Variants in EDC4 observed in about 807,000 individuals in gnomAD.
EDC4 encodes enhancer of mRNA decapping 4.
Under a neutral mutation model 155.8 loss-of-function variants are expected in EDC4, and 64 were observed. That is an observed-to-expected ratio of 0.41 (90% CI 0.34 to 0.51). The LOEUF (loss-of-function observed/expected upper bound fraction) is 0.51. EDC4 is among the 20% of genes least tolerant of loss of function. The pLI is 0.19. For synonymous variants in EDC4, 684 were observed against 716.8 expected, an observed-to-expected ratio of 0.95 and a Z score of 0.73; for missense variants, 1,303 against 1,812.5, an observed-to-expected ratio of 0.72 and a Z score of 5.10.
In EDC4 at chr16:67,873,142, G is replaced by A; in HGVS notation, c.-120G>A. On this transcript the variant is annotated 5_prime_UTR_variant, in exon 1 of 29. Coordinates refer to ENST00000358933, the MANE Select transcript of EDC4 (RefSeq NM_014329.5). ...CGCGGGTGGCGGTTTGCGAACTGCGGGTGGACTGTGTAGTGACCGGCGTCC... is the reference window on the plus strand; with the variant it reads ...CGCGGGTGGCGGTTTGCGAACTGCGAGTGGACTGTGTAGTGACCGGCGTCC... 6.9e-6 allele frequency: 5 copies of A among 720,046 alleles called. No individual in the cohort carries two copies. Among genetic ancestry groups the A allele is most frequent in the Non-Finnish European group, 1.0e-5 (5 of 494,656 alleles). 44.6% of individuals were successfully genotyped at this position (720,046 alleles called of 1,614,324 possible).
chr16:67,880,010 G>A lies in EDC4; in HGVS notation c.1943+39G>A. On this transcript the variant is annotated intron_variant, in intron 16 of 28. Transcript: ENST00000358933. This position sits in a 1 kb window ranked among gnomAD's most constrained non-coding sequence, Gnocchi z 5.2. The stretch of plus-strand genomic sequence containing the variant: ...CAGAGATGGAGGATGGCAGGGGCTG[G>A]TACCAGATGATGCCAAGCTCTGGCT... 3 of 1,590,532 alleles carry A rather than the reference G, an allele frequency of 1.9e-6. No homozygotes were observed. The East Asian group carries it at 6.7e-5, about 36-fold the overall frequency.
rs760960566 is a variant in EDC4, at chr16:67,880,780, C to T, written c.2321C>T (p.Ser774Leu). 6 of 1,614,066 alleles carry T rather than the reference C, an allele frequency of 3.7e-6. No homozygotes were observed. Among genetic ancestry groups the T allele is most frequent in the Admixed American group, 1.7e-5 (1 of 60,030 alleles). The change falls in exon 18 of 29, where the codon TCG (serine) becomes TTG (leucine). Residue 774 changes from serine to leucine, a missense_variant. Ser to Leu is a moderately radical substitution (Grantham distance 145, BLOSUM62 -2). Coordinates refer to ENST00000358933, the MANE Select transcript of EDC4 (RefSeq NM_014329.5). This position sits in a 1 kb window ranked among gnomAD's most constrained non-coding sequence, Gnocchi z 5.2. ...LEPDSMASAA[S>L]ALHLLSPRPR... ...CCAGACAGTATGGCTTCAGCCGCCT[C>T]GGCACTGCACCTGCTGTCCCCACGG...
chr16:67,873,265 GCCT>G lies in EDC4; in HGVS notation c.8_10del (p.Ser3del), dbSNP rs760903639. 6.8e-7 allele frequency: 1 copy of G among 1,462,774 alleles called. No homozygotes were observed. The highest frequency in any genetic ancestry group is 9.0e-7 in the Non-Finnish European group (1 of 1,111,996). 90.6% of individuals were successfully genotyped at this position (1,462,774 alleles called of 1,614,324 possible). On this transcript the variant is annotated inframe_deletion, in exon 1 of 29. Transcript: ENST00000358933. ...CGGGGCGCCCGCCGCAGGGCCCATG[GCCT>G]CCTGCGCGAGCATCGACATCGAGGA... is the stretch of plus-strand genomic sequence containing the variant.
At position 67,877,672 on chromosome 16, in the gene EDC4, T is replaced by C. The variant is rs1430802833; in HGVS notation, c.789+16T>C. On this transcript the variant is annotated intron_variant, in intron 6 of 28. Coordinates refer to ENST00000358933, the MANE Select transcript of EDC4 (RefSeq NM_014329.5). This position sits in a 1 kb window ranked among gnomAD's most constrained non-coding sequence, Gnocchi z 4.9. ...TGAAGACCGGGTGAGGGGGCTGACA[T>C]GGCGAAGAGGCGCCAGAGAAGCCAT... 9 of 1,613,904 alleles carry C rather than the reference T, an allele frequency of 5.6e-6. No homozygotes were observed. The highest frequency in any genetic ancestry group is 7.6e-6 in the Non-Finnish European group (9 of 1,180,000).
rs367900519 is a variant in EDC4, at chr16:67,883,569, C to T, written c.3851C>T (p.Ala1284Val). Residue 1284 changes from alanine (A) to valine (V), a missense_variant and splice_region_variant, in exon 28 of 29, where the codon GCG becomes GTG. Physicochemically the swap from Ala to Val is moderately conservative, Grantham distance 64 (BLOSUM62 0). Around this residue, in one of 5 missense-constraint regions of EDC4, gnomAD observed 527 missense variants for 757.0 expected, o/e 0.70. Coordinates refer to ENST00000358933, the MANE Select transcript of EDC4 (RefSeq NM_014329.5). The surrounding 1 kb of genome is among the most constrained non-coding windows in gnomAD (Gnocchi z 5.3). ...CACTGCTGCTTTTTTCTCCTCCAGG[C>T]GCTGACAGCTGCTGACCTGAACCTG... is the stretch of plus-strand genomic sequence containing the variant. The part of the protein sequence containing the change: ...QGHLNQAFQQ[A>V]LTAADLNLVL... 4.4e-5 allele frequency: 71 copies of T among 1,613,330 alleles called. No homozygotes were observed. The highest frequency in any genetic ancestry group is 2.0e-4 in the African/African-American group (15 of 74,934).
In EDC4 at chr16:67,881,068, C is replaced by T. The variant is rs781766579; in HGVS notation, c.2532-8C>T. The T allele has an allele frequency of 4.3e-6, 7 of 1,613,956 alleles. No homozygotes were observed. The African/African-American group carries it at 6.7e-5, about 15-fold the overall frequency. On this transcript the variant is annotated splice_region_variant and splice_polypyrimidine_tract_variant and intron_variant, in intron 18 of 28. Transcript: ENST00000358933. The surrounding 1 kb of genome is among the most constrained non-coding windows in gnomAD (Gnocchi z 5.4). The stretch of plus-strand genomic sequence containing the variant: ...TTCATCCATGGCTAAGTTGGCCTGT[C>T]CTCCCAGCCCCAGGAATGGCCTTCA...
chr16:67,883,539 A>G lies in EDC4; in HGVS notation c.3850-29A>G, dbSNP rs1383686099. On this transcript the variant is annotated intron_variant, in intron 27 of 28. Transcript: ENST00000358933. This position sits in a 1 kb window ranked among gnomAD's most constrained non-coding sequence, Gnocchi z 5.3. ...CAGACATTCCATCCTGATATTTGCT[A>G]TAAACACTGCTGCTTTTTTCTCCTC... 1.2e-6 allele frequency: 2 copies of G among 1,610,054 alleles called. No homozygotes were observed. The highest frequency in any genetic ancestry group is 1.7e-6 in the Non-Finnish European group (2 of 1,179,622).
rs1424452680 is a variant in EDC4, at chr16:67,878,675, G to A, written c.1184+44G>A. The stretch of plus-strand genomic sequence containing the variant: ...GCTGGGGGACTGGGCAGGGGCGGCA[G>A]GGTTGGGAATGTAGCTTCCTTCAGT... On this transcript the variant is annotated intron_variant, in intron 10 of 28. Transcript: ENST00000358933. The surrounding 1 kb of genome is among the most constrained non-coding windows in gnomAD (Gnocchi z 5.2). 1.2e-6 allele frequency: 2 copies of A among 1,614,192 alleles called. No homozygotes were observed. The highest frequency in any genetic ancestry group is 1.7e-6 in the Non-Finnish European group (2 of 1,180,028).
rs145793537 is a variant in EDC4 at position 67,882,758 on chromosome 16, G to T, written c.3522G>T (p.Leu1174=). 4 of 1,614,150 alleles carry T rather than the reference G, an allele frequency of 2.5e-6. No homozygotes were observed. In the African/African-American group the frequency reaches 5.3e-5, roughly 22 times the overall value. ...CCAGGGAGCCTGTGCTAGCCCAGCTGCGGGGCCTGGTCAGCACACTGCAGA... is the reference window on the plus strand; with the variant it reads ...CCAGGGAGCCTGTGCTAGCCCAGCTTCGGGGCCTGGTCAGCACACTGCAGA... ...QEAREPVLAQ[L]RGLVSTLQSA... Residue 1174 remains leucine, a synonymous_variant, in exon 26 of 29, where the codon CTG becomes CTT. Transcript: ENST00000358933. This position sits in a 1 kb window ranked among gnomAD's most constrained non-coding sequence, Gnocchi z 7.2.
Position 67,880,143 on chromosome 16 carries a change from C to T in EDC4, c.2024C>T (p.Ala675Val). The T allele has an allele frequency of 6.2e-7, 1 of 1,613,016 alleles. No homozygotes were observed. Among genetic ancestry groups the T allele is most frequent in the South Asian group, 1.1e-5 (1 of 91,014 alleles). Residue 675 changes from alanine to valine, a missense_variant, in exon 17 of 29, where the codon GCA (alanine) becomes GTA (valine). Coordinates refer to ENST00000358933, the MANE Select transcript of EDC4 (RefSeq NM_014329.5). This position sits in a 1 kb window ranked among gnomAD's most constrained non-coding sequence, Gnocchi z 5.2. ...ATGAGCAGCAGTGGCAGCCTTCAGGCAAGCCCGCGTGGCCTCCTGCCTGGC... is the reference window on the plus strand; with the variant it reads ...ATGAGCAGCAGTGGCAGCCTTCAGGTAAGCCCGCGTGGCCTCCTGCCTGGC... ...LTMSSSGSLQ[A>V]SPRGLLPGLL...
rs1489035107 is a variant in EDC4, at chr16:67,879,891, CAGCAGCAGCAGT to C, written c.1873_1884del (p.Ser626_Ser629del). ...GCAGCAGCAGCAGCGGTAGCAGCAG[CAGCAGCAGCAGT>C]AGCAGCAGCTCCCTTACAGCTGTGT... is the stretch of plus-strand genomic sequence containing the variant. On this transcript the variant is annotated inframe_deletion, in exon 16 of 29. Coordinates refer to ENST00000358933, the MANE Select transcript of EDC4 (RefSeq NM_014329.5). This position sits in a 1 kb window ranked among gnomAD's most constrained non-coding sequence, Gnocchi z 6.0. The C allele has an allele frequency of 5.0e-6, 8 of 1,612,660 alleles. No homozygotes were observed. Among genetic ancestry groups the C allele is most frequent in the Admixed American group, 3.3e-5 (2 of 59,954 alleles).
At position 67,878,135 on chromosome 16, in the gene EDC4, T is replaced by C. The variant is rs1335762802; in HGVS notation, c.895-31T>C. 1.2e-6 allele frequency: 2 copies of C among 1,613,850 alleles called. No individual in the cohort carries two copies. Among genetic ancestry groups the C allele is most frequent in the African/African-American group, 2.7e-5 (2 of 75,038 alleles). ...CTTGGGAGGGGCTTGTTCTCACCTC[T>C]AGTCAGCAAAGCTTTTTGGGTTCTT... On this transcript the variant is annotated intron_variant, in intron 7 of 28. Transcript: ENST00000358933. The surrounding 1 kb of genome is among the most constrained non-coding windows in gnomAD (Gnocchi z 5.2).
chr16:67,882,419 C>T lies in EDC4; in HGVS notation c.3277-10C>T. On this transcript the variant is annotated splice_polypyrimidine_tract_variant and intron_variant, in intron 24 of 28. Coordinates refer to ENST00000358933, the MANE Select transcript of EDC4 (RefSeq NM_014329.5). This position sits in a 1 kb window ranked among gnomAD's most constrained non-coding sequence, Gnocchi z 7.2. ...CAGGCTTTCAACTTGGCCCCTCCCT[C>T]TAACCCCAGAACTTGACTGATGCCA... 1 of 1,613,030 alleles carries T rather than the reference C, an allele frequency of 6.2e-7. No homozygotes were observed. Among genetic ancestry groups the T allele is most frequent in the South Asian group, 1.1e-5 (1 of 91,050 alleles).
rs1334705970 is a variant in EDC4 at position 67,882,959 on chromosome 16, C to T, written c.3631C>T (p.Leu1211=). ...CACCTCACTCACTTCCCTTTGCAGC[C>T]TGCAGGAGTCCATTTTAGCACAGGT... ...QHQLHVAVGS[L]QESILAQVQR... The change falls in exon 27 of 29, where the codon CTG becomes TTG. Residue 1211 remains leucine, a splice_region_variant and synonymous_variant. Transcript: ENST00000358933. The surrounding 1 kb of genome is among the most constrained non-coding windows in gnomAD (Gnocchi z 7.2). 1 of 1,613,904 alleles carries T rather than the reference C, an allele frequency of 6.2e-7. No homozygotes were observed. Among genetic ancestry groups the T allele is most frequent in the Non-Finnish European group, 8.5e-7 (1 of 1,179,784 alleles).
chr16:67,883,182 G>A lies in EDC4; in HGVS notation c.3849+5G>A, dbSNP rs375107319. Reference sequence around the variant, plus strand: ...CTCAATCAGGCCTTCCAGCAGGTACGATAGGCATTAGGCCCTGCTAAGGGT... The same window carrying A: ...CTCAATCAGGCCTTCCAGCAGGTACAATAGGCATTAGGCCCTGCTAAGGGT... On this transcript the variant is annotated splice_donor_5th_base_variant and intron_variant, in intron 27 of 28. Transcript: ENST00000358933. This position sits in a 1 kb window ranked among gnomAD's most constrained non-coding sequence, Gnocchi z 5.3. The A allele has an allele frequency of 4.9e-5, 77 of 1,565,362 alleles. No individual in the cohort carries two copies. The African/African-American group carries it at 6.6e-4, about 13-fold the overall frequency.
chr16:67,881,730 G>A lies in EDC4; in HGVS notation c.2889G>A (p.Glu963=), dbSNP rs990345988. The A allele has an allele frequency of 1.9e-6, 3 of 1,614,116 alleles. No homozygotes were observed. The change falls in exon 22 of 29, where the codon GAG becomes GAA. Residue 963 remains glutamate, a synonymous_variant. Coordinates refer to ENST00000358933, the MANE Select transcript of EDC4 (RefSeq NM_014329.5). This position sits in a 1 kb window ranked among gnomAD's most constrained non-coding sequence, Gnocchi z 5.4. ...GGCAACAGCAGAGAGAGCTGGCAGA[G>A]CTGCGGCACAGCCAGGAAGAGCTGC... ...LIWQQQRELA[E]LRHSQEELLQ...
At position 67,881,680 on chromosome 16, in the gene EDC4, C is replaced by T. The variant is rs1261013583; in HGVS notation, c.2839C>T (p.Pro947Ser). 8 of 1,613,350 alleles carry T rather than the reference C, an allele frequency of 5.0e-6. No individual in the cohort carries two copies. The Admixed American group carries it at 1.3e-4, about 27-fold the overall frequency. Reference sequence around the variant, plus strand: ...GTGCTACTGACAGGTGGCAGAGCCCCCTGAGGACTGGCCAGCACTAATTTG... The same window carrying T: ...GTGCTACTGACAGGTGGCAGAGCCCTCTGAGGACTGGCCAGCACTAATTTG... ...RLTEHQVAEP[P>S]EDWPALIWQQ... The change falls in exon 22 of 29, where the codon CCT becomes TCT. Residue 947 changes from proline to serine, a missense_variant. Physicochemically the swap from Pro to Ser is moderately conservative, Grantham distance 74. Coordinates refer to ENST00000358933, the MANE Select transcript of EDC4 (RefSeq NM_014329.5). This position sits in a 1 kb window ranked among gnomAD's most constrained non-coding sequence, Gnocchi z 5.4.
chr16:67,875,758 T>C, intron 1 of EDC4, 187 bp from the exon 2 acceptor site: 2 of 1,404,622 alleles, frequency 1.4e-6, no homozygotes, highest in Non-Finnish European at 9.3e-7. Flanking sequence ...CTCATGCTCA[T>C]CCTTGGTCCT....
rs1341348818 is a variant in EDC4 at position 67,878,265 on chromosome 16, G to A, written c.994G>A (p.Asp332Asn). ...CTGGCAGATCTACATTGAGGGGCAA[G>A]ATGAGCCAAGGTAAGGCAGGGCCTC... ...KFWQIYIEGQDEPRCLHEWKP... is the reference protein window; with the variant it reads ...KFWQIYIEGQNEPRCLHEWKP... Residue 332 changes from aspartate to asparagine, a missense_variant, in exon 8 of 29, where the codon GAT becomes AAT. Asp to Asn is a conservative substitution (Grantham distance 23). This residue lies in a region of EDC4 where 235 missense variants were observed against 367.7 expected (regional missense o/e 0.64). Coordinates refer to ENST00000358933, the MANE Select transcript of EDC4 (RefSeq NM_014329.5). The surrounding 1 kb of genome is among the most constrained non-coding windows in gnomAD (Gnocchi z 5.2). 5 of 1,614,210 alleles carry A rather than the reference G, an allele frequency of 3.1e-6. No homozygotes were observed. In the South Asian group the frequency reaches 5.5e-5, roughly 18 times the overall value.
Sources: allele counts gnomAD v4.1 joint callset, GRCh38; gene constraint gnomAD v4.1.1; regional missense constraint gnomAD v4.1.1; non-coding constraint Gnocchi (gnomAD v3.1); transcripts MANE v1.5; gene names NCBI Gene and HGNC (gene_info 2026-07-23, HGNC 2026-07-21).